The following PARD3 variants were observed in gnomAD, a reference collection of about 807,000 sequenced individuals.
PARD3 encodes the protein partitioning defective 3 homolog.
PARD3 carries 75 observed loss-of-function variants against 155.4 expected under a neutral mutation model. The ratio of observed to expected loss-of-function variants is 0.48; its 90% confidence interval spans 0.40 to 0.58. The LOEUF (loss-of-function observed/expected upper bound fraction) is 0.58. PARD3 is among the 20% of genes least tolerant of loss of function. The pLI, the probability that PARD3 is intolerant of heterozygous loss-of-function variation, is 0.00. For missense variants in PARD3, 1,642 were observed against 1,721.7 expected (o/e 0.95, Z 0.82); for synonymous variants, 576 against 610.5 (o/e 0.94, Z 0.83).
intron 4 of PARD3, among the ~76,000 whole-genome samples, chr10:34,457,047 T>C (rs931998462): frequency 2.6e-5 from 4 of 152,212 alleles, no homozygotes; most frequent in African/African-American, 9.6e-5. Flanking sequence ...TTCAAGTTGA[T>C]ACACTGACAA....
intron 4 of PARD3, among the ~76,000 whole-genome samples, chr10:34,460,077 T>C (rs968113829): frequency 2.0e-5 from 3 of 152,184 alleles, no homozygotes; most frequent in African/African-American, 7.2e-5. Flanking sequence ...TTGTGGAGAA[T>C]TACATTGCCA....
chr10:34,141,598 G>C (rs1948191592), intron 22 of PARD3, among the ~76,000 whole-genome samples: 1 of 151,974 alleles, frequency 6.6e-6, no homozygotes, highest in South Asian at 2.1e-4. Context: ...GTGGTCTCTG[G>C]GTAACAGGAC....
At chr10:34,751,024 C>T (rs1045327341) in intron 1 of PARD3, among the ~76,000 whole-genome samples, 11 of 152,114 alleles carry the variant, frequency 7.2e-5, no homozygotes, top group African/African-American at 2.2e-4. Context: ...CTCTCTTACA[C>T]TGTATATTAG....
intron 2 of PARD3, 28 bp from the exon 3 acceptor site, chr10:34,517,187 A>ATT: frequency 6.3e-7 from 1 of 1,598,672 alleles, no homozygotes; most frequent in Admixed American, 1.7e-5. Flanking sequence ...ATGTGCACTT[A>ATT]TAAATAAAGG....
At chr10:34,793,539 C>T (rs993801769) in intron 1 of PARD3, among the ~76,000 whole-genome samples, 8 of 152,198 alleles carry the variant, frequency 5.3e-5, no homozygotes. Flanking sequence ...GTAATCCCGG[C>T]ACTTTGGGAG....
intron 1 of PARD3, among the ~76,000 whole-genome samples, chr10:34,747,091 C>T (rs1835419833): frequency 6.6e-6 from 1 of 152,204 alleles, no homozygotes; most frequent in Non-Finnish European, 1.5e-5. Flanking sequence ...ATATTTGCTT[C>T]TGCTTCTGCT....
intron 1 of PARD3, among the ~76,000 whole-genome samples, chr10:34,788,697 T>C (rs1433920877): frequency 6.6e-6 from 1 of 152,142 alleles, no homozygotes; most frequent in Non-Finnish European, 1.5e-5. Flanking sequence ...GTTCTTTACA[T>C]ATGTATCTCT....
At chr10:34,187,283 T>C (rs1285659896) in intron 22 of PARD3, among the ~76,000 whole-genome samples, 4 of 152,210 alleles carry the variant, frequency 2.6e-5, no homozygotes, top group Non-Finnish European at 5.9e-5. Context: ...CTCAGTGCTA[T>C]TGAAGTGGCT....
At chr10:34,739,971 G>C (rs556992068) in intron 1 of PARD3, among the ~76,000 whole-genome samples, 1 of 152,256 alleles carries the variant, frequency 6.6e-6, no homozygotes, top group African/African-American at 2.4e-5. Flanking sequence ...CAGCTGCTAC[G>C]GTTCACCCTC....
At chr10:34,655,403 G>C (rs1051464458) in intron 2 of PARD3, among the ~76,000 whole-genome samples, 2 of 152,132 alleles carry the variant, frequency 1.3e-5, no homozygotes, top group African/African-American at 4.8e-5. Flanking sequence ...GCCCTAGCCT[G>C]TGTTACTCCT....
chr10:34,585,615 TGTG>T (rs1256981526), intron 2 of PARD3, among the ~76,000 whole-genome samples: 2 of 151,800 alleles, frequency 1.3e-5, no homozygotes. Flanking sequence ...AAGTGAAAAT[TGTG>T]GTGTGCGGGT....
At chr10:34,678,059 T>TATTTATTTATTTATTTA (rs546985105) in intron 2 of PARD3, among the ~76,000 whole-genome samples, 1 of 151,422 alleles carries the variant, frequency 6.6e-6, no homozygotes. Flanking sequence ...TTTTTTAATT[T>TATTTATTTATTTATTTA]ATTTATTTAT....
intron 12 of PARD3, among the ~76,000 whole-genome samples, chr10:34,366,593 A>G (rs1376516784): frequency 6.6e-6 from 1 of 152,202 alleles, no homozygotes; most frequent in Non-Finnish European, 1.5e-5. Flanking sequence ...GTCACGCAGA[A>G]TAGAAATTTT....
chr10:34,428,132 G>A (rs913809979), intron 5 of PARD3, among the ~76,000 whole-genome samples: 7 of 151,980 alleles, frequency 4.6e-5, no homozygotes, highest in East Asian at 3.9e-4. Flanking sequence ...AATCTCTCCC[G>A]ATCAACAAAC....
At chr10:34,416,056 A>T (rs1845643803) in intron 5 of PARD3, among the ~76,000 whole-genome samples, 2 of 152,176 alleles carry the variant, frequency 1.3e-5, no homozygotes, top group Non-Finnish European at 2.9e-5. Flanking sequence ...GTAGTTAGGT[A>T]ATCCATCTCC....
intron 2 of PARD3, among the ~76,000 whole-genome samples, chr10:34,583,824 C>T (rs761311025): frequency 2.0e-5 from 3 of 151,996 alleles, no homozygotes; most frequent in Non-Finnish European, 4.4e-5. Context: ...ATGTTCTTTA[C>T]AATTTTCTAT....
intron 22 of PARD3, among the ~76,000 whole-genome samples, chr10:34,132,136 T>A (rs1231958471): frequency 6.6e-6 from 1 of 152,192 alleles, no homozygotes; most frequent in Non-Finnish European, 1.5e-5. Context: ...TCATCAGAGG[T>A]CTATAAATAA....
chr10:34,593,233 T>A (rs1476558869), intron 2 of PARD3, among the ~76,000 whole-genome samples: 3 of 152,210 alleles, frequency 2.0e-5, no homozygotes, highest in Non-Finnish European at 2.9e-5. Flanking sequence ...TCAAATCAGA[T>A]AAATTCTGCA....
At chr10:34,779,942 T>C (rs1588711209) in intron 1 of PARD3, among the ~76,000 whole-genome samples, 1 of 152,306 alleles carries the variant, frequency 6.6e-6, no homozygotes, top group South Asian at 2.1e-4. Flanking sequence ...TAGCTGTAGA[T>C]CTAAATGCTC....
Sources: allele counts gnomAD v4.1 joint callset (sites outside exome capture counted in the v4.1 genomes callset), GRCh38; gene constraint gnomAD v4.1.1; transcripts MANE v1.5; gene names NCBI Gene and HGNC (gene_info 2026-07-23, HGNC 2026-07-21).